Variants in SIGLEC12 observed in about 807,000 individuals in gnomAD.
SIGLEC12 encodes the protein sialic acid binding Ig like lectin 12, also known as sialic acid-binding Ig-like lectin 12.
A neutral mutation model predicts 54.1 loss-of-function variants in SIGLEC12; 43 were observed. The observed-to-expected ratio is 0.80, with a 90% CI of 0.62 to 1.03. The LOEUF (loss-of-function observed/expected upper bound fraction) is 1.03. Among genes scored for constraint, SIGLEC12 ranks in the 50% least tolerant of loss-of-function variants. The pLI is 0.00. For missense variants in SIGLEC12, 802 were observed against 735.2 expected (o/e 1.09, Z -1.05); for synonymous variants, 357 against 307.6 (o/e 1.16, Z -1.68).
At chr19:51,499,325 C>G in intron 3 of SIGLEC12, 108 bp from the exon 4 acceptor site, 1 of 1,564,676 alleles carries the variant, frequency 6.4e-7, no homozygotes, top group Non-Finnish European at 8.7e-7. Flanking sequence ...ATCCTCCTGA[C>G]CCCCAACTCC....
chr19:51,499,046 G>A (rs1990317364), intron 4 of SIGLEC12, 124 bp downstream of exon 4: 3 of 942,902 alleles, frequency 3.2e-6, no homozygotes, highest in Admixed American at 1.9e-5. Flanking sequence ...AAAAGGCTGA[G>A]GCTGAGGGAG....
At position 51,493,338 on chromosome 19, in the gene SIGLEC12, T is replaced by A. The variant is rs76037826; in HGVS notation, c.1600-1509A>T. Among the ~76,000 whole-genome samples, 832 of 152,262 alleles carry A rather than the reference T, an allele frequency of 5.5e-3. 6 individuals carry two copies. Among genetic ancestry groups the A allele is most frequent in the Non-Finnish European group, 9.1e-3 (618 of 68,012 alleles). On this transcript the variant is annotated intron_variant, in intron 7 of 7. Coordinates refer to ENST00000291707, the MANE Select transcript of SIGLEC12 (RefSeq NM_053003.4). ...CTCCACATCTCCCTGACCCTAAATA[T>A]CAGAGCAGCCCTGAGCTCTTCTTTA...
At chr19:51,497,984 T>C (rs747553871) in intron 5 of SIGLEC12, 34 bp downstream of exon 5, 5 of 1,611,322 alleles carry the variant, frequency 3.1e-6, no homozygotes, top group Non-Finnish European at 4.2e-6. Flanking sequence ...GTGGGACATG[T>C]GTGTTCTCCT....
At chr19:51,497,074 G>A in intron 6 of SIGLEC12, 98 bp from the exon 7 acceptor site, 5 of 1,585,124 alleles carry the variant, frequency 3.2e-6, no homozygotes, top group Non-Finnish European at 4.3e-6. Flanking sequence ...GAGCTGGAGG[G>A]GTAACTGAGG....
chr19:51,500,092 C>T lies in SIGLEC12; in HGVS notation c.636G>A (p.Val212=). 1 of 1,614,124 alleles carries T rather than the reference C, an allele frequency of 6.2e-7. No individual in the cohort carries two copies. The highest frequency in any genetic ancestry group is 8.5e-7 in the Non-Finnish European group (1 of 1,180,010). The change falls in exon 2 of 8, where the codon GTG becomes GTA. Residue 212 remains valine, a synonymous_variant. Coordinates refer to ENST00000291707, the MANE Select transcript of SIGLEC12 (RefSeq NM_053003.4). ...PVATNTPSGK[V]QEDTHGRFLL... ...GGAATCGACCGTGGGTATCCTCTTG[C>T]ACTTTTCCACTTGGGGTGTTTGTGG... is the stretch of plus-strand genomic sequence containing the variant.
chr19:51,501,588 G>A lies in SIGLEC12; in HGVS notation c.146C>T (p.Pro49Leu), dbSNP rs989533456. The change falls in exon 1 of 8, where the codon CCC (proline) becomes CTC (leucine). Residue 49 changes from proline to leucine, a missense_variant. Pro to Leu is a moderately conservative substitution (Grantham distance 98, BLOSUM62 -3). Transcript: ENST00000291707. ...CVSVLCSFSY[P>L]QNGWTASDPV... Reference sequence around the variant, plus strand: ...ATCGGAGGCAGTCCAGCCATTTTGGGGGTAGGAGAAGGAGCAAAGCACAGA... The same window carrying A: ...ATCGGAGGCAGTCCAGCCATTTTGGAGGTAGGAGAAGGAGCAAAGCACAGA... The A allele has an allele frequency of 6.2e-7, 1 of 1,613,896 alleles. No homozygotes were observed. The highest frequency in any genetic ancestry group is 8.5e-7 in the Non-Finnish European group (1 of 1,179,940).
chr19:51,497,005 G>A (rs776966311), intron 6 of SIGLEC12, 29 bp from the exon 7 acceptor site: 2 of 1,612,518 alleles, frequency 1.2e-6, no homozygotes, highest in South Asian at 2.2e-5. Context: ...GAGCCTTTCA[G>A]TGTGGTCAGA....
At chr19:51,493,354 C>T (rs905167949) in intron 7 of SIGLEC12, among the ~76,000 whole-genome samples, 29 of 152,182 alleles carry the variant, frequency 1.9e-4, no homozygotes, top group African/African-American at 6.5e-4. Flanking sequence ...CAGCCCTGAG[C>T]TCTTCTTTAC....
intron 3 of SIGLEC12, 53 bp downstream of exon 3, chr19:51,499,385 C>A: frequency 6.5e-7 from 1 of 1,545,518 alleles, no homozygotes; most frequent in Non-Finnish European, 8.7e-7. Flanking sequence ...CCACATCCAA[C>A]TGGCCTCAAG....
rs193032542 is a variant in SIGLEC12 at position 51,498,140 on chromosome 19, A to T, written c.1283T>A (p.Leu428His). The change falls in exon 5 of 8, where the codon CTT (leucine) becomes CAT (histidine). Residue 428 changes from leucine (L) to histidine (H), a missense_variant. By Grantham distance (99) the Leu-to-His change is moderately conservative. Transcript: ENST00000291707. The stretch of plus-strand genomic sequence containing the variant: ...CACTCGAGGCAGCTCCAGCACCCCA[A>T]GGTTCGAGGACTGTGAGGGGCTCAG... Reference protein sequence around the residue: ...LTLSPSQSSNLGVLELPRVHV... With the variant: ...LTLSPSQSSNHGVLELPRVHV... 2.5e-4 allele frequency: 398 copies of T among 1,614,228 alleles called. 7 individuals are homozygous for T. In the East Asian group the frequency reaches 8.3e-3, roughly 34 times the overall value.
intron 1 of SIGLEC12, chr19:51,500,519 A>G: frequency 1.1e-5 from 8 of 716,910 alleles, no homozygotes; most frequent in Non-Finnish European, 1.8e-5. Flanking sequence ...CCCACATGCT[A>G]TAGGAACTCA....
At chr19:51,495,478 C>T (rs535410399) in intron 7 of SIGLEC12, among the ~76,000 whole-genome samples, 9 of 145,834 alleles carry the variant, frequency 6.2e-5, no homozygotes, top group Admixed American at 2.7e-4. Context: ...GATGGATGGA[C>T]GGACGGACAG....
At chr19:51,492,804 C>G (rs962586240) in intron 7 of SIGLEC12, among the ~76,000 whole-genome samples, 40 of 152,326 alleles carry the variant, frequency 2.6e-4, no homozygotes, top group African/African-American at 9.4e-4. Context: ...ACTGGCCCTG[C>G]CTGCCAATGC....
intron 7 of SIGLEC12, among the ~76,000 whole-genome samples, chr19:51,495,496 G>A (rs1264644485): frequency 2.0e-5 from 3 of 152,108 alleles, no homozygotes; most frequent in African/African-American, 4.8e-5. Flanking sequence ...CAGACGGACA[G>A]ATGGATGGAT....
chr19:51,500,513 C>T, intron 1 of SIGLEC12: 1 of 759,382 alleles, frequency 1.3e-6, no homozygotes, highest in Non-Finnish European at 2.1e-6. Context: ...TGCAAACCCA[C>T]ATGCTATAGG....
In SIGLEC12 at chr19:51,497,353, C is replaced by T. The variant is rs577705510; in HGVS notation, c.1498G>A (p.Val500Ile). Residue 500 changes from valine to isoleucine, a missense_variant, in exon 6 of 8, where the codon GTT becomes ATT. By Grantham distance (29) the Val-to-Ile change is conservative (BLOSUM62 3). Coordinates refer to ENST00000291707, the MANE Select transcript of SIGLEC12 (RefSeq NM_053003.4). ...LVFLYFCIIF[V>I]VVRSCRKKSA... ...CTCCCCAGGGTCAATGCTCACACAA[C>T]GAAGATGATGCAGAAGTACAGGAAG... 7.4e-6 allele frequency: 12 copies of T among 1,612,886 alleles called. No homozygotes were observed. Among genetic ancestry groups the T allele is most frequent in the East Asian group, 2.2e-5 (1 of 44,846 alleles).
intron 7 of SIGLEC12, among the ~76,000 whole-genome samples, chr19:51,494,279 C>CA (rs57587487): frequency 0.12 from 17,548 of 152,196 alleles, 1,111 homozygotes; most frequent in Middle Eastern, 0.25. Flanking sequence ...AGCAGAGAAA[C>CA]AACACAGTTT....
At position 51,498,071 on chromosome 19, in the gene SIGLEC12, G is replaced by A; in HGVS notation, c.1352C>T (p.Pro451Leu). Residue 451 changes from proline to leucine, a missense_variant, in exon 5 of 8, where the codon CCT (proline) becomes CTT (leucine). Pro to Leu is a moderately conservative substitution (Grantham distance 98). Coordinates refer to ENST00000291707, the MANE Select transcript of SIGLEC12 (RefSeq NM_053003.4). ...EGEFTCRAQN[P>L]LGSQHISLSL... ...CAGGGAAATGTGCTGGGAGCCTAGA[G>A]GGTTCTGAGCTCGGCAGGTGAATTC... 6.2e-7 allele frequency: 1 copy of A among 1,614,186 alleles called. No homozygotes were observed. The highest frequency in any genetic ancestry group is 1.3e-5 in the African/African-American group (1 of 75,036).
At chr19:51,498,565 C>A (rs1360448238) in intron 4 of SIGLEC12, among the ~76,000 whole-genome samples, 1 of 152,170 alleles carries the variant, frequency 6.6e-6, no homozygotes, top group East Asian at 1.9e-4. Context: ...GGAGTAGATA[C>A]AACAATATTC....
Sources: allele counts gnomAD v4.1 joint callset (sites outside exome capture counted in the v4.1 genomes callset), GRCh38; gene constraint gnomAD v4.1.1; transcripts MANE v1.5; gene names NCBI Gene and HGNC (gene_info 2026-07-23, HGNC 2026-07-21).